Variants in CUL4B observed in about 807,000 individuals in gnomAD.
CUL4B encodes cullin 4B.
A neutral mutation model predicts 69.2 loss-of-function variants in CUL4B; 1 was observed. The ratio of observed to expected loss-of-function variants is 0.01; its 90% CI spans 0.01 to 0.07. The LOEUF is 0.07. Among genes scored for constraint, CUL4B ranks in the 10% least tolerant of loss-of-function variants. The pLI, the probability that CUL4B is intolerant of heterozygous loss-of-function variation, is 1.00. For synonymous variants in CUL4B, 237 were observed against 223.2 expected (o/e 1.06, Z -0.55); for missense variants, 328 against 638.8 (o/e 0.51, Z 5.24).
chrX:120,553,504 A>T (rs1010755525), intron 2 of CUL4B, among the ~76,000 whole-genome samples: 14 of 112,366 alleles, frequency 1.2e-4, no homozygotes, highest in African/African-American at 4.5e-4. Flanking sequence ...GAATTGAAGT[A>T]TGGCCTAGGC....
At chrX:120,557,500 A>G (rs373321184) in intron 2 of CUL4B, among the ~76,000 whole-genome samples, 3 of 111,914 alleles carry the variant, frequency 2.7e-5, no homozygotes, top group Admixed American at 9.5e-5. Flanking sequence ...GGCAAAGTCT[A>G]CTATTAAGAA....
At chrX:120,537,979 A>T in intron 14 of CUL4B, 145 bp downstream of exon 14, 1 of 425,028 alleles carries the variant, frequency 2.4e-6, no homozygotes, top group Non-Finnish European at 4.0e-6. Context: ...TATTTCACCA[A>T]TTTTTTTTTC....
At chrX:120,566,685 C>A (rs1215013745), downstream of CUL4B, among the ~76,000 whole-genome samples, 1 of 109,699 alleles carries the variant, frequency 9.1e-6, no homozygotes, top group East Asian at 2.9e-4. Context: ...GTGTGAGCCA[C>A]CGCACCCAGC....
chrX:120,565,092 A>C (rs913476872), upstream of CUL4B, among the ~76,000 whole-genome samples: 1 of 111,649 alleles, frequency 9.0e-6, no homozygotes, highest in Non-Finnish European at 1.9e-5. Flanking sequence ...AAAAAGGCAG[A>C]GTGTAACCCA....
At chrX:120,532,666 T>C in intron 17 of CUL4B, 72 bp from the exon 18 acceptor site, 1 of 887,972 alleles carries the variant, frequency 1.1e-6, no homozygotes, top group Non-Finnish European at 1.6e-6. Flanking sequence ...TCAATCTAGC[T>C]TCCACTCCAT....
intron 1 of CUL4B, chrX:120,559,701 A>G: frequency 1.2e-6 from 1 of 832,812 alleles, no homozygotes; most frequent in Non-Finnish European, 1.6e-6. Flanking sequence ...CTGAAGCATA[A>G]AAATAAAAAT....
At position 120,541,222 on chromosome X, in the gene CUL4B, G is replaced by A. The variant is rs981064795; in HGVS notation, c.1443+380C>T. The stretch of plus-strand genomic sequence containing the variant: ...CCCTTAAAAGAACTGGATCAAGTCC[G>A]GGTGTGGTGGCTCACGCCTGTAATC... On this transcript the variant is annotated intron_variant, in intron 10 of 19. Coordinates refer to ENST00000371322, the MANE Select transcript of CUL4B (RefSeq NM_001079872.2). Among the ~76,000 whole-genome samples, 8 of 112,462 alleles carry A rather than the reference G, an allele frequency of 7.1e-5. No homozygotes were observed. The East Asian group carries it at 1.4e-3, about 20-fold the overall frequency.
rs1236738904 is a variant in CUL4B at position 120,536,958 on chromosome X, T to C, written c.2015A>G (p.Tyr672Cys). 1 of 1,207,118 alleles carries C rather than the reference T, an allele frequency of 8.3e-7. No homozygotes were observed. Among genetic ancestry groups the C allele is most frequent in the Admixed American group, 2.2e-5 (1 of 46,056 alleles). Residue 672 changes from tyrosine (Y) to cysteine (C), a missense_variant, in exon 15 of 20, where the codon TAT becomes TGT. This residue lies in a region of CUL4B where 98 missense variants were observed against 296.8 expected (regional missense o/e 0.33). Coordinates refer to ENST00000371322, the MANE Select transcript of CUL4B (RefSeq NM_001079872.2). ...NILTMGYWPT[Y>C]VPMEVHLPPE... ...TGGTAAATGAACTTCCATAGGCACA[T>C]ATGTCGGCCAATAGCCCATTGTCAG...
intron 2 of CUL4B, 142 bp downstream of exon 2, chrX:120,557,782 A>T (rs1925067419): frequency 4.6e-6 from 2 of 432,789 alleles, no homozygotes; most frequent in Admixed American, 3.9e-5. Context: ...TGGTCTAATT[A>T]TAGAGTTCAT....
At chrX:120,571,226 T>C (rs1290898062) in exon 3 of CUL4B, 2 of 111,598 alleles carry the variant, frequency 1.8e-5, no homozygotes, top group African/African-American at 6.5e-5. Flanking sequence ...TTACACATCA[T>C]ACATCTTTTG....
intron 1 of CUL4B, chrX:120,575,287 T>A (rs1218603832): frequency 8.9e-6 from 1 of 112,744 alleles, no homozygotes; most frequent in Non-Finnish European, 1.9e-5. Flanking sequence ...TGCCTAAAAA[T>A]GTGGCTTTGC....
chrX:120,529,833 T>C (rs1923205993), intron 19 of CUL4B, among the ~76,000 whole-genome samples: 1 of 111,013 alleles, frequency 9.0e-6, no homozygotes, highest in South Asian at 3.8e-4. Context: ...AGAAATATAG[T>C]GAATAAACTT....
At chrX:120,548,610 G>C (rs1445349766) in intron 2 of CUL4B, among the ~76,000 whole-genome samples, 1 of 110,953 alleles carries the variant, frequency 9.0e-6, no homozygotes, top group African/African-American at 3.3e-5. Flanking sequence ...GAGGCGGGTG[G>C]ATCACTTGAG....
intron 11 of CUL4B, among the ~76,000 whole-genome samples, chrX:120,539,768 C>T (rs1041384275): frequency 9.8e-5 from 11 of 112,295 alleles, no homozygotes; most frequent in African/African-American, 3.2e-4. Context: ...TTAAACATTA[C>T]TTTTCTATTA....
rs184724672 is a variant in CUL4B at position 120,553,492 on chromosome X, C to T, written c.672+4432G>A. ...TAATAATAAATAAAATTATTTTCAT[C>T]AGAATTGAAGTATGGCCTAGGCTTG... On this transcript the variant is annotated intron_variant, in intron 2 of 19. Coordinates refer to ENST00000371322, the MANE Select transcript of CUL4B (RefSeq NM_001079872.2). Among the ~76,000 whole-genome samples, 157 of 112,009 alleles carry T rather than the reference C, an allele frequency of 1.4e-3. 1 individual carries two copies. Among genetic ancestry groups the T allele is most frequent in the East Asian group, 0.011 (41 of 3,596 alleles).
intron 19 of CUL4B, among the ~76,000 whole-genome samples, chrX:120,527,062 CTT>C (rs918835696): frequency 5.0e-5 from 5 of 100,801 alleles, no homozygotes; most frequent in Non-Finnish European, 4.1e-5. Context: ...GTTGAAGATT[CTT>C]TTTTTTTTTT....
At chrX:120,535,763 T>TTA (rs1923634937) in intron 16 of CUL4B, 67 bp downstream of exon 16, 1 of 664,495 alleles carries the variant, frequency 1.5e-6, no homozygotes, top group Non-Finnish European at 2.5e-6. Flanking sequence ...AAACTTTCAG[T>TTA]TAAGAAGGAT....
intron 17 of CUL4B, 50 bp from the exon 18 acceptor site, chrX:120,532,644 C>T (rs764272638): frequency 8.7e-6 from 9 of 1,028,885 alleles, no homozygotes; most frequent in South Asian, 1.9e-5. Context: ...TGAACAACTA[C>T]GACATTCTAC....
intron 17 of CUL4B, 136 bp downstream of exon 17, chrX:120,534,345 A>G: frequency 1.9e-6 from 1 of 513,696 alleles, no homozygotes; most frequent in Non-Finnish European, 3.4e-6. Context: ...ACAGAGTGAG[A>G]CCCTGTCTCA....
Sources: gnomAD v4.1 joint callset for allele counts (sites outside exome capture counted in the v4.1 genomes callset) on GRCh38, gnomAD v4.1.1 for gene constraint, gnomAD v4.1.1 regional missense constraint, MANE v1.5 for transcripts, NCBI Gene and HGNC (gene_info 2026-07-23, HGNC 2026-07-21) for gene names.